Variants in SLC4A4 observed in about 807,000 individuals in gnomAD.
SLC4A4 encodes the protein electrogenic sodium bicarbonate cotransporter 1.
Under a neutral mutation model 111.5 loss-of-function variants are expected in SLC4A4, and 27 were observed. The observed-to-expected ratio is 0.24, with a 90% CI of 0.18 to 0.33. The LOEUF (loss-of-function observed/expected upper bound fraction) is 0.33, where lower values mean the gene tolerates loss of function less well. Among genes scored for constraint, SLC4A4 ranks in the 10% least tolerant of loss-of-function variants. SLC4A4 has a pLI of 1.00. For synonymous variants in SLC4A4, 443 were observed against 463.4 expected (o/e 0.96, Z 0.57); for missense variants, 909 against 1,315.5 (o/e 0.69, Z 4.78).
intron 16 of SLC4A4, among the ~76,000 whole-genome samples, chr4:71,518,357 C>A (rs1732605914): frequency 6.6e-6 from 1 of 152,030 alleles, no homozygotes; most frequent in African/African-American, 2.4e-5. Context: ...AAGGGTCTAG[C>A]CTGGAGGGTG....
chr4:71,338,740 T>C (rs1333199868), intron 3 of SLC4A4, among the ~76,000 whole-genome samples: 2 of 151,296 alleles, frequency 1.3e-5, no homozygotes, highest in African/African-American at 4.9e-5. Context: ...AAGTGTACAA[T>C]ATTTTACTTG....
chr4:71,311,890 T>TGTGAGAGA (rs1553888177), intron 3 of SLC4A4, among the ~76,000 whole-genome samples: 147 of 76,610 alleles, frequency 1.9e-3, no homozygotes, highest in Non-Finnish European at 2.6e-3. Context: ...TGCAAGGCTG[T>TGTGAGAGA]GAGAGAGAGA....
intron 12 of SLC4A4, among the ~76,000 whole-genome samples, chr4:71,464,184 C>T (rs1173777349): frequency 6.6e-6 from 1 of 152,152 alleles, no homozygotes; most frequent in East Asian, 1.9e-4. Context: ...AAATCCTAGT[C>T]TGTGGTACAC....
At chr4:71,199,017 C>T (rs1472305539) in intron 1 of SLC4A4, among the ~76,000 whole-genome samples, 2 of 152,118 alleles carry the variant, frequency 1.3e-5, no homozygotes, top group Admixed American at 6.5e-5. Context: ...GTAAATAGAC[C>T]TAATCTTTTG....
intron 16 of SLC4A4, among the ~76,000 whole-genome samples, chr4:71,520,877 CG>C (rs577022965): frequency 2.1e-4 from 32 of 151,884 alleles, no homozygotes; most frequent in Admixed American, 3.3e-4. Flanking sequence ...GAGAGAGAGA[CG>C]GGGTTTCACT....
At chr4:71,229,628 T>C (rs1719273367) in intron 1 of SLC4A4, among the ~76,000 whole-genome samples, 1 of 152,134 alleles carries the variant, frequency 6.6e-6, no homozygotes, top group East Asian at 1.9e-4. Flanking sequence ...TTGCTTCGCT[T>C]TGTTGCTGGC....
intron 17 of SLC4A4, among the ~76,000 whole-genome samples, 167 bp downstream of exon 17, chr4:71,532,342 A>G (rs1433035991): frequency 6.6e-6 from 1 of 152,054 alleles, no homozygotes; most frequent in Non-Finnish European, 1.5e-5. Context: ...TAATTTCTTC[A>G]CTACAATTAA....
chr4:71,562,119 A>G (rs1737031498), intron 23 of SLC4A4, among the ~76,000 whole-genome samples: 1 of 151,766 alleles, frequency 6.6e-6, no homozygotes, highest in Non-Finnish European at 1.5e-5. Flanking sequence ...TTTTGTATTA[A>G]TATTTACCAT....
At chr4:71,319,549 A>G (rs1350625333) in intron 3 of SLC4A4, among the ~76,000 whole-genome samples, 1 of 152,026 alleles carries the variant, frequency 6.6e-6, no homozygotes, top group Non-Finnish European at 1.5e-5. Flanking sequence ...TTTCCCTCTA[A>G]GAATGTCAGA....
chr4:71,192,825 C>T (rs1334481129), intron 1 of SLC4A4, among the ~76,000 whole-genome samples: 1 of 152,174 alleles, frequency 6.6e-6, no homozygotes, highest in Admixed American at 6.5e-5. Context: ...TGCTGGCATC[C>T]GGAAGTCTCC....
At chr4:71,546,223 C>A (rs1735507682) in intron 18 of SLC4A4, 127 bp from the exon 19 acceptor site, 2 of 787,422 alleles carry the variant, frequency 2.5e-6, no homozygotes, top group Admixed American at 1.9e-5. Flanking sequence ...TCCCCTCTTT[C>A]AAGGAGTTTA....
chr4:71,356,675 C>T (rs2148911856), intron 5 of SLC4A4, among the ~76,000 whole-genome samples: 1 of 152,176 alleles, frequency 6.6e-6, no homozygotes, highest in Admixed American at 6.5e-5. Flanking sequence ...TATACATTTG[C>T]TATGAGTACA....
chr4:71,291,516 T>C (rs1471567677), intron 3 of SLC4A4, among the ~76,000 whole-genome samples: 1 of 152,092 alleles, frequency 6.6e-6, no homozygotes, highest in African/African-American at 2.4e-5. Context: ...CATAGCTCAC[T>C]GTAGCCTGGA....
chr4:71,103,106 G>A (rs1336128053), intron 2 of SLC4A4, among the ~76,000 whole-genome samples: 5 of 151,832 alleles, frequency 3.3e-5, no homozygotes, highest in Non-Finnish European at 7.4e-5. Context: ...ACAAAAAAAG[G>A]CAGGGGTTGC....
At chr4:71,284,569 G>A (rs1161770906) in intron 3 of SLC4A4, among the ~76,000 whole-genome samples, 1 of 152,162 alleles carries the variant, frequency 6.6e-6, no homozygotes, top group Non-Finnish European at 1.5e-5. Flanking sequence ...TGGGTGATGT[G>A]ATGTTTTTAT....
chr4:71,306,035 G>T (rs138945869), intron 3 of SLC4A4, among the ~76,000 whole-genome samples: 157 of 152,320 alleles, frequency 1.0e-3, no homozygotes, highest in Middle Eastern at 3.4e-3. Context: ...ATTGGATACT[G>T]ATTTGCAAGC....
intron 1 of SLC4A4, among the ~76,000 whole-genome samples, chr4:71,193,448 C>G (rs565242884): frequency 6.6e-6 from 1 of 152,178 alleles, no homozygotes; most frequent in Non-Finnish European, 1.5e-5. Context: ...CGTGAGCCAC[C>G]GCGCCCGGCC....
chr4:71,480,179 G>A (rs1728747299), intron 14 of SLC4A4, among the ~76,000 whole-genome samples: 1 of 151,350 alleles, frequency 6.6e-6, no homozygotes. Flanking sequence ...ATGCTACCAT[G>A]CCCAGCTTAA....
At chr4:71,100,661 C>G (rs1248374101) in intron 2 of SLC4A4, among the ~76,000 whole-genome samples, 1 of 152,136 alleles carries the variant, frequency 6.6e-6, no homozygotes, top group East Asian at 1.9e-4. Flanking sequence ...CAAACTGTCC[C>G]TGTTTGCAGA....
Sources: allele counts gnomAD v4.1 joint callset (sites outside exome capture counted in the v4.1 genomes callset), GRCh38; gene constraint gnomAD v4.1.1; transcripts MANE v1.5; gene names NCBI Gene and HGNC (gene_info 2026-07-23, HGNC 2026-07-21).